MYO16: variants seen among roughly 807,000 people sequenced by gnomAD.
MYO16 encodes myosin XVI.
In MYO16, 94 loss-of-function variants were observed where a neutral mutation model predicts 205.3. The observed-to-expected ratio is 0.46, with a 90% CI of 0.39 to 0.54. The LOEUF is 0.54. MYO16 is among the 20% of genes least tolerant of loss of function. The pLI, the probability that MYO16 is intolerant of heterozygous loss-of-function variation, is 0.00. For synonymous variants in MYO16, 988 were observed against 954.0 expected (o/e 1.04, Z -0.66); for missense variants, 2,315 against 2,387.5 (o/e 0.97, Z 0.63).
the MYO16 span, among the ~76,000 whole-genome samples, chr13:108,528,334 G>A: frequency 1.3e-5 from 2 of 152,082 alleles, no homozygotes; most frequent in African/African-American, 4.8e-5. Context: ...ATAACTTAGG[G>A]CTATTTATCT....
chr13:108,606,569 C>T (rs1385175405), intron 1 of MYO16, among the ~76,000 whole-genome samples: 1 of 152,212 alleles, frequency 6.6e-6, no homozygotes, highest in African/African-American at 2.4e-5. Context: ...GGAACCTCCA[C>T]CTTGCTTTCA....
At chr13:108,585,145 G>A in the MYO16 span, among the ~76,000 whole-genome samples, 1 of 152,126 alleles carries the variant, frequency 6.6e-6, no homozygotes, top group Non-Finnish European at 1.5e-5. Context: ...GATTTATTCT[G>A]AGCCAAATAC....
At chr13:108,855,671 T>C in intron 11 of MYO16, 118 bp downstream of exon 11, 3 of 632,752 alleles carry the variant, frequency 4.7e-6, no homozygotes, top group South Asian at 3.1e-5. Flanking sequence ...GTAGTGGTGA[T>C]AGCTGAAGTT....
At chr13:109,022,971 C>T (rs549880037) in intron 23 of MYO16, among the ~76,000 whole-genome samples, 10 of 131,290 alleles carry the variant, frequency 7.6e-5, no homozygotes, top group East Asian at 6.5e-4. Context: ...TATATATACA[C>T]GTAAATATAG....
chr13:108,767,700 G>A (rs1444007836), intron 4 of MYO16, among the ~76,000 whole-genome samples: 1 of 152,072 alleles, frequency 6.6e-6, no homozygotes, highest in Non-Finnish European at 1.5e-5. Context: ...CAAATCTACT[G>A]CCTTCAACAT....
intron 4 of MYO16, among the ~76,000 whole-genome samples, chr13:108,777,526 C>T (rs1013813625): frequency 2.0e-5 from 3 of 152,084 alleles, no homozygotes; most frequent in Non-Finnish European, 2.9e-5. Flanking sequence ...GGGAAATTCA[C>T]GGAGGCTGGT....
the MYO16 span, among the ~76,000 whole-genome samples, chr13:108,522,168 T>C: frequency 6.6e-6 from 1 of 152,218 alleles, no homozygotes; most frequent in Admixed American, 6.5e-5. Flanking sequence ...CTTACCCTGC[T>C]TTGATGTAGC....
chr13:108,849,165 G>GT (rs1277049623), intron 10 of MYO16, among the ~76,000 whole-genome samples: 2 of 143,062 alleles, frequency 1.4e-5, no homozygotes, highest in Admixed American at 1.4e-4. Context: ...TCAACACGAA[G>GT]TTTTTTTCTG....
chr13:109,060,063 T>C (rs1478792572), intron 27 of MYO16, among the ~76,000 whole-genome samples: 1 of 152,182 alleles, frequency 6.6e-6, no homozygotes. Flanking sequence ...TCAACCATTG[T>C]GGAAGACAAT....
intron 4 of MYO16, among the ~76,000 whole-genome samples, chr13:108,754,161 TTGTAGCATGCAGAACAAAC>T (rs1885343703): frequency 6.5e-5 from 8 of 122,910 alleles, no homozygotes; most frequent in Non-Finnish European, 1.2e-4. Context: ...GCAGGACAAG[TTGTAGCATGCAGAACAAAC>T]TGTAGCATGC....
intron 27 of MYO16, among the ~76,000 whole-genome samples, chr13:109,060,893 C>G (rs538374663): frequency 6.6e-6 from 1 of 152,188 alleles, no homozygotes; most frequent in Non-Finnish European, 1.5e-5. Context: ...GTGGCATCTT[C>G]TTCCAATCAA....
chr13:108,807,844 A>T (rs1001231096), intron 7 of MYO16, among the ~76,000 whole-genome samples: 1 of 152,206 alleles, frequency 6.6e-6, no homozygotes, highest in African/African-American at 2.4e-5. Context: ...AATTTCTTAA[A>T]GTCTTGTTAA....
chr13:108,552,422 G>T, the MYO16 span, among the ~76,000 whole-genome samples: 1 of 151,930 alleles, frequency 6.6e-6, no homozygotes, highest in African/African-American at 2.4e-5. Context: ...GTCTCTCCTT[G>T]GCATGTCTTA....
intron 1 of MYO16, among the ~76,000 whole-genome samples, chr13:108,651,190 C>T (rs1880986967): frequency 6.6e-6 from 1 of 152,122 alleles, no homozygotes; most frequent in Non-Finnish European, 1.5e-5. Context: ...GGGTGCCCTG[C>T]AGCACTCTGT....
intron 33 of MYO16, among the ~76,000 whole-genome samples, chr13:109,172,826 A>T (rs1473297365): frequency 6.2e-5 from 1 of 16,096 alleles, no homozygotes; most frequent in Non-Finnish European, 1.6e-4. Context: ...AATTACATGA[A>T]TGAGGTAGAT....
the MYO16 span, among the ~76,000 whole-genome samples, chr13:108,510,267 C>T: frequency 6.6e-6 from 1 of 151,884 alleles, no homozygotes; most frequent in Non-Finnish European, 1.5e-5. Context: ...CAGGTGCCCG[C>T]CATCACGCCC....
At chr13:109,017,422 T>C (rs1047077502) in intron 22 of MYO16, among the ~76,000 whole-genome samples, 1 of 152,198 alleles carries the variant, frequency 6.6e-6, no homozygotes, top group African/African-American at 2.4e-5. Flanking sequence ...TCAACCTTGG[T>C]GAATCTGACA....
chr13:108,588,988 G>A, the MYO16 span, among the ~76,000 whole-genome samples: 1 of 152,070 alleles, frequency 6.6e-6, no homozygotes, highest in South Asian at 2.1e-4. Context: ...TGGAATCGGT[G>A]TTGAATAAAT....
At chr13:108,842,744 C>G (rs571085603) in intron 9 of MYO16, among the ~76,000 whole-genome samples, 1 of 152,024 alleles carries the variant, frequency 6.6e-6, no homozygotes, top group Non-Finnish European at 1.5e-5. Context: ...TCCAGTATTA[C>G]AATTCTGGAT....
Sources: allele counts gnomAD v4.1 joint callset (sites outside exome capture counted in the v4.1 genomes callset), GRCh38; gene constraint gnomAD v4.1.1; transcripts MANE v1.5; gene names NCBI Gene and HGNC (gene_info 2026-07-23, HGNC 2026-07-21).